The following EFHB variants were observed in gnomAD, a reference collection of about 807,000 sequenced individuals.
The protein encoded by EFHB is EF-hand domain family member B.
EFHB carries 91 observed loss-of-function variants against 87.2 expected under a neutral mutation model. That is an observed-to-expected ratio of 1.04 (90% CI 0.88 to 1.24). The LOEUF (loss-of-function observed/expected upper bound fraction) is 1.24. Ranked by LOEUF, EFHB falls within the 50% of genes most tolerant of loss-of-function variation. The pLI is 0.00. For missense variants in EFHB, 1,084 were observed against 998.8 expected (o/e 1.09, Z -1.15); for synonymous variants, 325 against 333.6 (o/e 0.97, Z 0.28).
intron 5 of EFHB, among the ~76,000 whole-genome samples, chr3:19,908,831 T>A (rs906768994): frequency 8.5e-5 from 13 of 152,154 alleles, no homozygotes; most frequent in African/African-American, 3.1e-4. Context: ...TATCTACATA[T>A]TATTTAAGTA....
chr3:19,904,173 A>C (rs1694762640), intron 6 of EFHB, among the ~76,000 whole-genome samples: 1 of 152,196 alleles, frequency 6.6e-6, no homozygotes. Flanking sequence ...GTCAGAACAA[A>C]TCTACCCCTA....
intron 3 of EFHB, 81 bp downstream of exon 3, chr3:19,919,752 A>T: frequency 7.2e-7 from 1 of 1,383,668 alleles, no homozygotes; most frequent in Non-Finnish European, 1.0e-6. Flanking sequence ...ATTGGAACTG[A>T]TGAATTTCAC....
intron 9 of EFHB, chr3:19,894,430 T>C (rs1473348290): frequency 6.6e-6 from 1 of 152,230 alleles, no homozygotes; most frequent in Non-Finnish European, 1.5e-5. Flanking sequence ...TCTGGAATAA[T>C]GCTTGATGTA....
chr3:19,881,628 A>T (rs12495858), intron 12 of EFHB, among the ~76,000 whole-genome samples: 6 of 152,048 alleles, frequency 3.9e-5, no homozygotes, highest in Non-Finnish European at 8.8e-5. Context: ...GGCCAGTAAG[A>T]AAGCATCAGC....
At chr3:19,895,979 A>G (rs1156307070) in intron 9 of EFHB, among the ~76,000 whole-genome samples, 1 of 152,234 alleles carries the variant, frequency 6.6e-6, no homozygotes, top group Admixed American at 6.5e-5. Flanking sequence ...GATTTTATTC[A>G]AAGAATAAAA....
intron 5 of EFHB, among the ~76,000 whole-genome samples, chr3:19,908,604 GAA>G (rs1388403099): frequency 1.9e-3 from 237 of 125,284 alleles, no homozygotes; most frequent in South Asian, 2.5e-3. Context: ...GAGAGAGAAA[GAA>G]AGAAAGAAAG....
At chr3:19,940,420 T>C in intron 1 of EFHB, 2 of 451,022 alleles carry the variant, frequency 4.4e-6, no homozygotes, top group Non-Finnish European at 8.8e-6. Context: ...AAATTCTTCC[T>C]TCTCAACAGC....
intron 9 of EFHB, among the ~76,000 whole-genome samples, chr3:19,892,105 G>T (rs1207024394): frequency 6.6e-6 from 1 of 152,136 alleles, no homozygotes; most frequent in Non-Finnish European, 1.5e-5. Flanking sequence ...TATGGGTCTA[G>T]TCCCAACAGT....
intron 4 of EFHB, 45 bp from the exon 5 acceptor site, chr3:19,915,458 C>A: frequency 7.7e-7 from 1 of 1,304,724 alleles, no homozygotes. Flanking sequence ...ACTTTTTAAC[C>A]TATTTATAAT....
At chr3:19,900,505 C>T (rs1694634559) in intron 6 of EFHB, among the ~76,000 whole-genome samples, 2 of 152,102 alleles carry the variant, frequency 1.3e-5, no homozygotes, top group Admixed American at 1.3e-4. Flanking sequence ...TTACAGATTG[C>T]TAGTGCAAAT....
At chr3:19,926,152 T>G (rs1695614731) in intron 1 of EFHB, among the ~76,000 whole-genome samples, 1 of 136,548 alleles carries the variant, frequency 7.3e-6, no homozygotes, top group African/African-American at 3.7e-5. Context: ...CCAAAATAGC[T>G]GTCAGGTTCT....
At chr3:19,934,331 C>T (rs1312192241), upstream of EFHB, 5 of 1,110,346 alleles carry the variant, frequency 4.5e-6, no homozygotes, top group East Asian at 1.6e-4. Context: ...CTCTCTCTCT[C>T]CCCTCTTCTC....
rs1205112076 is a variant in EFHB at position 19,882,726 on chromosome 3, G to T, written c.2152C>A (p.Pro718Thr). Reference protein sequence around the residue: ...IVGAIPSTCYPICGVPTIRSD... With the variant: ...IVGAIPSTCYTICGVPTIRSD... ...CGAATGGTTGGAACACCACAAATGGGGTAACCTAGGTCATTGATGAGGGAA... is the reference window on the plus strand; with the variant it reads ...CGAATGGTTGGAACACCACAAATGGTGTAACCTAGGTCATTGATGAGGGAA... The change falls in exon 12 of 13, where the codon CCC becomes ACC. Residue 718 changes from proline (P) to threonine (T), a missense_variant. Transcript: ENST00000295824. 2 of 1,610,454 alleles carry T rather than the reference G, an allele frequency of 1.2e-6. No individual in the cohort carries two copies. The highest frequency in any genetic ancestry group is 1.1e-5 in the South Asian group (1 of 90,438).
intron 1 of EFHB, among the ~76,000 whole-genome samples, 185 bp downstream of exon 1, chr3:19,933,045 G>A (rs1014501688): frequency 1.3e-5 from 2 of 152,080 alleles, no homozygotes; most frequent in Non-Finnish European, 2.9e-5. Flanking sequence ...ATCTAGGAAG[G>A]GAGGCAGAGA....
rs1559459432 is a variant in EFHB at position 19,908,562 on chromosome 3, A to AAGAGAGAAAGAGAGAAAG, written c.1289-2814_1289-2813insCTTTCTCTCTTTCTCTCT. ...AAAGAAAGAAAGAGAGAAAGAGAGA[A>AAGAGAGAAAGAGAGAAAG]AGAGAGAGAGAGAGAGAGAGAGAGA... On this transcript the variant is annotated intron_variant, in intron 5 of 12. Coordinates refer to ENST00000295824, the MANE Select transcript of EFHB (RefSeq NM_144715.4). 1.7e-3 allele frequency among the ~76,000 whole-genome samples: 146 copies of AAGAGAGAAAGAGAGAAAG among 83,858 alleles called. 5 individuals carry two copies. The highest frequency in any genetic ancestry group is 6.5e-3 in the African/African-American group (134 of 20,554). 55.0% of individuals were successfully genotyped at this position (83,858 alleles called of 152,430 possible).
upstream of EFHB, chr3:19,936,006 C>T: frequency 1.3e-6 from 1 of 794,484 alleles, no homozygotes; most frequent in African/African-American, 4.1e-5. Flanking sequence ...GAGACTCCAT[C>T]TCAAAAAAAA....
Position 19,882,617 on chromosome 3 carries a change from TA to T in EFHB, c.2260del (p.Tyr754IlefsTer65). ...TCCTTTCCGGGCAAAAATGGTAGGA[TA>T]TAGTAGTGAATATGCACTACCTTCT... The part of the protein sequence containing the change: ...GEEGSAYSLL[Y>X]PTIFARKGVF... On this transcript the variant is annotated frameshift_variant, in exon 12 of 13. Coordinates refer to ENST00000295824, the MANE Select transcript of EFHB (RefSeq NM_144715.4). LOFTEE classifies it high-confidence loss of function. 1 of 1,613,234 alleles carries T rather than the reference TA, an allele frequency of 6.2e-7. No homozygotes were observed. The highest frequency in any genetic ancestry group is 8.5e-7 in the Non-Finnish European group (1 of 1,179,530).
intron 1 of EFHB, among the ~76,000 whole-genome samples, chr3:19,946,744 G>A (rs959317683): frequency 6.6e-6 from 1 of 152,116 alleles, no homozygotes; most frequent in East Asian, 1.9e-4. Context: ...TTGGGGTTAG[G>A]GAACCTCGCC....
At chr3:19,944,391 A>AT (rs1696225142) in intron 1 of EFHB, among the ~76,000 whole-genome samples, 1 of 152,164 alleles carries the variant, frequency 6.6e-6, no homozygotes, top group Non-Finnish European at 1.5e-5. Flanking sequence ...TTATTTATCC[A>AT]TTTTGTACCT....
Sources: allele counts gnomAD v4.1 joint callset (sites outside exome capture counted in the v4.1 genomes callset), GRCh38; gene constraint gnomAD v4.1.1; transcripts MANE v1.5; gene names NCBI Gene and HGNC (gene_info 2026-07-23, HGNC 2026-07-21).